The following TMLHE variants were observed in gnomAD, a reference collection of about 807,000 sequenced individuals.
TMLHE encodes trimethyllysine dioxygenase, mitochondrial.
In TMLHE, 18 loss-of-function variants were observed where a neutral mutation model predicts 25.7. That is an observed-to-expected ratio of 0.70 (90% CI 0.48 to 1.04). TMLHE has a LOEUF of 1.04. TMLHE is among the 50% of genes least tolerant of loss of function. The pLI is 0.00. For missense variants in TMLHE, 236 were observed against 259.0 expected, an observed-to-expected ratio of 0.91 and a Z score of 0.61; for synonymous variants, 105 against 97.0, an observed-to-expected ratio of 1.08 and a Z score of -0.49.
At chrX:155,582,692 A>G (rs782291452) in intron 1 of TMLHE, among the ~76,000 whole-genome samples, 4 of 112,150 alleles carry the variant, frequency 3.6e-5, no homozygotes, top group South Asian at 7.4e-4. Context: ...GAGAGGATGC[A>G]GAGAAATAGG....
At chrX:155,546,275 T>A (rs183156323) in intron 1 of TMLHE, among the ~76,000 whole-genome samples, 1 of 111,729 alleles carries the variant, frequency 9.0e-6, no homozygotes, top group African/African-American at 3.2e-5. Context: ...AATGCCTTGA[T>A]AAACCTGCTT....
At chrX:155,546,989 A>G (rs5940480) in intron 1 of TMLHE, among the ~76,000 whole-genome samples, 60,320 of 109,456 alleles carry the variant, frequency 0.55, 14,265 homozygotes, top group Middle Eastern at 0.77. Flanking sequence ...AATATGTGCT[A>G]TCTGGATCTT....
At chrX:155,519,084 GCT>G (rs2067177885) in intron 3 of TMLHE, among the ~76,000 whole-genome samples, 1 of 20,464 alleles carries the variant, frequency 4.9e-5, no homozygotes, top group African/African-American at 1.1e-4. Context: ...GTTTGCTCTT[GCT>G]TTTCTAGTTC....
intron 3 of TMLHE, among the ~76,000 whole-genome samples, chrX:155,515,287 T>G (rs1330734768): frequency 9.0e-6 from 1 of 111,027 alleles, no homozygotes; most frequent in Non-Finnish European, 1.9e-5. Flanking sequence ...ATTTTTAAAA[T>G]TAAATTTTAT....
chrX:155,529,680 A>G (rs1557336871), intron 2 of TMLHE, among the ~76,000 whole-genome samples: 1 of 112,127 alleles, frequency 8.9e-6, no homozygotes, highest in Non-Finnish European at 1.9e-5. Context: ...TCCATTGACC[A>G]TTTTTTAATT....
At chrX:155,545,315 C>T in intron 1 of TMLHE, 38 bp from the exon 2 acceptor site, 1 of 1,080,448 alleles carries the variant, frequency 9.3e-7, no homozygotes, top group Non-Finnish European at 1.2e-6. Flanking sequence ...TAGTAATATA[C>T]AACAACTTTT....
chrX:155,560,337 C>T (rs1557341614), intron 1 of TMLHE, among the ~76,000 whole-genome samples: 1 of 110,202 alleles, frequency 9.1e-6, no homozygotes, highest in African/African-American at 3.3e-5. Context: ...TGTCGGGTGT[C>T]TACTTTGTGC....
chrX:155,512,497 C>A (rs2124336499), intron 4 of TMLHE, among the ~76,000 whole-genome samples: 1 of 110,464 alleles, frequency 9.1e-6, no homozygotes, highest in Non-Finnish European at 1.9e-5. Context: ...AGGACATGAA[C>A]TCATCATTTT....
chrX:155,606,385 C>G (rs2067786725), intron 1 of TMLHE, among the ~76,000 whole-genome samples: 1 of 111,218 alleles, frequency 9.0e-6, no homozygotes, highest in Non-Finnish European at 1.9e-5. Context: ...TTAAAACCAA[C>G]AAAAACAAAA....
chrX:155,537,664 A>G (rs1351732341), intron 2 of TMLHE, among the ~76,000 whole-genome samples: 2 of 109,686 alleles, frequency 1.8e-5, no homozygotes, highest in Non-Finnish European at 3.8e-5. Context: ...TTCCCTCCTT[A>G]CAGAGCCCAT....
At chrX:155,553,367 A>G (rs1270147775) in intron 1 of TMLHE, among the ~76,000 whole-genome samples, 1 of 109,198 alleles carries the variant, frequency 9.2e-6, no homozygotes, top group East Asian at 2.8e-4. Flanking sequence ...AGTGCATACA[A>G]ATCAGAATAA....
chrX:155,549,673 T>C (rs1201554277), intron 1 of TMLHE, among the ~76,000 whole-genome samples: 1 of 110,210 alleles, frequency 9.1e-6, no homozygotes, highest in African/African-American at 3.4e-5. Flanking sequence ...GAATACATGG[T>C]CTGGTGTGTG....
chrX:155,608,660 T>C (rs1272652966), intron 1 of TMLHE, among the ~76,000 whole-genome samples: 1 of 112,233 alleles, frequency 8.9e-6, no homozygotes, highest in Non-Finnish European at 1.9e-5. Flanking sequence ...ACTAGGCATC[T>C]GACAAAGTTC....
intron 1 of TMLHE, among the ~76,000 whole-genome samples, chrX:155,579,627 A>G (rs1381943034): frequency 8.9e-6 from 1 of 111,909 alleles, no homozygotes; most frequent in Non-Finnish European, 1.9e-5. Flanking sequence ...TCACTCTGGT[A>G]GTGAACATAG....
chrX:155,514,400 AAATG>A, intron 3 of TMLHE, 135 bp from the exon 4 acceptor site: 1 of 619,726 alleles, frequency 1.6e-6, no homozygotes, highest in East Asian at 3.6e-5. Flanking sequence ...AACCAAATTA[AAATG>A]AATGCCTAGA....
intron 2 of TMLHE, among the ~76,000 whole-genome samples, chrX:155,532,313 G>A (rs1268484277): frequency 8.9e-6 from 1 of 112,140 alleles, no homozygotes; most frequent in Non-Finnish European, 1.9e-5. Context: ...CAAACATGCA[G>A]ATAGAAGGCA....
At chrX:155,581,821 T>G (rs2124473806) in intron 1 of TMLHE, among the ~76,000 whole-genome samples, 1 of 112,110 alleles carries the variant, frequency 8.9e-6, no homozygotes, top group African/African-American at 3.2e-5. Flanking sequence ...TTGAAAAAAC[T>G]ACTTTAAAGT....
chrX:155,515,883 T>C (rs1376152040), intron 3 of TMLHE, among the ~76,000 whole-genome samples: 1 of 110,688 alleles, frequency 9.0e-6, no homozygotes, highest in Non-Finnish European at 1.9e-5. Context: ...CATTCACTCA[T>C]ATAGCCCACA....
intron 2 of TMLHE, among the ~76,000 whole-genome samples, chrX:155,530,089 G>GA (rs1312701809): frequency 8.9e-6 from 1 of 111,853 alleles, no homozygotes; most frequent in Non-Finnish European, 1.9e-5. Context: ...CAAAGGAAAT[G>GA]AAAGTACTAC....
Sources: gnomAD v4.1 joint callset for allele counts (sites outside exome capture counted in the v4.1 genomes callset) on GRCh38, gnomAD v4.1.1 for gene constraint, MANE v1.5 for transcripts, NCBI Gene and HGNC (gene_info 2026-07-23, HGNC 2026-07-21) for gene names.